The following PPARG variants were observed in gnomAD, a reference collection of about 807,000 sequenced individuals.
PPARG encodes peroxisome proliferator activated receptor gamma.
Under a neutral mutation model 39.2 loss-of-function variants are expected in PPARG, and 17 were observed. The ratio of observed to expected loss-of-function variants is 0.43; its 90% CI spans 0.30 to 0.65. The LOEUF (loss-of-function observed/expected upper bound fraction) is 0.65. Ranked by LOEUF, PPARG falls within the 30% of genes least tolerant of loss-of-function variation. PPARG has a pLI of 0.13. For synonymous variants in PPARG, 223 were observed against 215.7 expected (o/e 1.03, Z -0.30); for missense variants, 406 against 585.9 (o/e 0.69, Z 3.17).
At chr3:12,401,368 C>G (rs1448340639) in intron 5 of PPARG, among the ~76,000 whole-genome samples, 2 of 152,158 alleles carry the variant, frequency 1.3e-5, no homozygotes, top group Admixed American at 1.3e-4. Flanking sequence ...TGGGAGAGGT[C>G]AGCGTGCCAT....
rs147533380 is a variant in PPARG, at chr3:12,382,434, G to A, written c.390+943G>A. On this transcript the variant is annotated intron_variant, in intron 4 of 7. Coordinates refer to ENST00000651735, the MANE Select transcript of PPARG (RefSeq NM_138711.6). ...TAATTTATTATATACGCATTGCACA[G>A]AATAAACTGTTCATAAATATTCACT... Among the ~76,000 whole-genome samples the A allele has an allele frequency of 4.9e-3, 751 of 152,224 alleles. 13 individuals carry two copies. The highest frequency in any genetic ancestry group is 0.042 in the Admixed American group (644 of 15,278).
rs570144381 is a variant in PPARG, at chr3:12,395,198, C to G, written c.529+2446C>G. On this transcript the variant is annotated intron_variant, in intron 5 of 7. Transcript: ENST00000651735. ...GATTCTGTATAATCAAACAACCTAACTCACTGGATTTTTCACTTTTCAACC... is the reference window on the plus strand; with the variant it reads ...GATTCTGTATAATCAAACAACCTAAGTCACTGGATTTTTCACTTTTCAACC... Among the ~76,000 whole-genome samples, 3 of 152,310 alleles carry G rather than the reference C, an allele frequency of 2.0e-5. No individual in the cohort carries two copies. The East Asian group carries it at 5.8e-4, about 29-fold the overall frequency.
intron 4 of PPARG, among the ~76,000 whole-genome samples, chr3:12,387,370 C>T (rs1351235260): frequency 6.6e-6 from 1 of 152,204 alleles, no homozygotes; most frequent in African/African-American, 2.4e-5. Context: ...TCCACATCCT[C>T]TCCAGCGTCT....
At chr3:12,311,326 A>G (rs1027149356) in intron 1 of PPARG, among the ~76,000 whole-genome samples, 1 of 151,922 alleles carries the variant, frequency 6.6e-6, no homozygotes, top group East Asian at 1.9e-4. Context: ...CTGGTCTCCA[A>G]CTCCTGGGCT....
chr3:12,381,197 C>T lies in PPARG; in HGVS notation c.221-125C>T. 7 of 966,770 alleles carry T rather than the reference C, an allele frequency of 7.2e-6. No homozygotes were observed. In the South Asian group the frequency reaches 8.7e-5, roughly 12 times the overall value. The allele number at this position is 966,770 out of a possible 1,614,324, so 59.9% of individuals were successfully genotyped here. A position where few individuals can be genotyped will look rare whatever the true frequency, so the allele number is the denominator to read the frequency against. ...CTTAACTCCAGTGTTTTTTCATGTT[C>T]CACTGTGCTTTTACACTGAAACAAT... On this transcript the variant is annotated intron_variant, in intron 3 of 7. Transcript: ENST00000651735.
upstream of PPARG, chr3:12,289,019 G>A: frequency 6.6e-6 from 1 of 152,274 alleles, no homozygotes; most frequent in Non-Finnish European, 1.5e-5. Context: ...CAGAAACGGG[G>A]AGTAACCGAG....
At chr3:12,327,487 C>G in intron 2 of PPARG, among the ~76,000 whole-genome samples, 1 of 152,064 alleles carries the variant, frequency 6.6e-6, no homozygotes, top group East Asian at 1.9e-4. Context: ...TTCCAAGCAC[C>G]CTGAGAAAAA....
chr3:12,343,371 C>G (rs12330440), intron 2 of PPARG, among the ~76,000 whole-genome samples: 1,816 of 152,280 alleles, frequency 0.012, 52 homozygotes, highest in African/African-American at 0.042. Flanking sequence ...CTTCCATCTC[C>G]ATGCACAGTC....
intron 2 of PPARG, among the ~76,000 whole-genome samples, chr3:12,369,538 G>A (rs967610053): frequency 2.1e-4 from 32 of 152,014 alleles, no homozygotes; most frequent in Non-Finnish European, 7.4e-5. Context: ...TTTTAAAATT[G>A]TATTCTTATC....
rs2050125451 is a variant in PPARG at position 12,392,758 on chromosome 3, T to C, written c.529+6T>C. On this transcript the variant is annotated splice_donor_region_variant and intron_variant, in intron 5 of 7. Coordinates refer to ENST00000651735, the MANE Select transcript of PPARG (RefSeq NM_138711.6). ...AGTGGGGATGTCTCATAATGGTAAGTAAACAGTCATCACCATATACTTTAT... is the reference window on the plus strand; with the variant it reads ...AGTGGGGATGTCTCATAATGGTAAGCAAACAGTCATCACCATATACTTTAT... The C allele has an allele frequency of 6.2e-7, 1 of 1,613,528 alleles. No homozygotes were observed. Among genetic ancestry groups the C allele is most frequent in the Non-Finnish European group, 8.5e-7 (1 of 1,179,682 alleles).
intron 1 of PPARG, among the ~76,000 whole-genome samples, chr3:12,309,675 TAA>T (rs1233624828): frequency 1.3e-5 from 2 of 152,264 alleles, no homozygotes; most frequent in African/African-American, 4.8e-5. Flanking sequence ...AATTCTTTGA[TAA>T]GTTTTCAATT....
At chr3:12,393,190 A>ATTTTTTTTTTTTTTTTTTTT (rs143287325) in intron 5 of PPARG, among the ~76,000 whole-genome samples, 2 of 111,540 alleles carry the variant, frequency 1.8e-5, no homozygotes, top group African/African-American at 3.5e-5. Flanking sequence ...GATTCATTTA[A>ATTTTTTTTTTTTTTTTTTTT]TTTTTTTTTT....
intron 2 of PPARG, among the ~76,000 whole-genome samples, chr3:12,374,745 A>G (rs2049345776): frequency 6.6e-6 from 1 of 152,188 alleles, no homozygotes; most frequent in Admixed American, 6.5e-5. Flanking sequence ...AGGTGTTAGT[A>G]ATAGGGGAAA....
chr3:12,363,947 A>G, intron 2 of PPARG, among the ~76,000 whole-genome samples: 1 of 152,070 alleles, frequency 6.6e-6, no homozygotes, highest in African/African-American at 2.4e-5. Context: ...TAGGAAGTAC[A>G]AAGAGTTCCC....
chr3:12,400,134 G>A (rs2050422222), intron 5 of PPARG, among the ~76,000 whole-genome samples: 1 of 152,136 alleles, frequency 6.6e-6, no homozygotes, highest in Non-Finnish European at 1.5e-5. Flanking sequence ...GATAATGATT[G>A]CAAATTCATC....
chr3:12,302,767 CG>C (rs1225905349), intron 1 of PPARG, among the ~76,000 whole-genome samples: 2 of 151,842 alleles, frequency 1.3e-5, no homozygotes, highest in African/African-American at 2.4e-5. Flanking sequence ...ATCTCAGGAG[CG>C]GGGAGATTCC....
intron 2 of PPARG, among the ~76,000 whole-genome samples, chr3:12,337,765 A>T (rs1021101479): frequency 1.1e-4 from 16 of 152,330 alleles, no homozygotes; most frequent in African/African-American, 2.9e-4. Context: ...AGTATTTTTT[A>T]AAAATAAATA....
At chr3:12,420,972 C>G (rs1297375766) in intron 7 of PPARG, among the ~76,000 whole-genome samples, 2 of 152,200 alleles carry the variant, frequency 1.3e-5, no homozygotes, top group Non-Finnish European at 2.9e-5. Flanking sequence ...ATTCTAGAAC[C>G]AAAGTTCAGG....
chr3:12,400,599 T>G lies in PPARG; in HGVS notation c.530-5283T>G, dbSNP rs147070419. Among the ~76,000 whole-genome samples, 548 of 152,316 alleles carry G rather than the reference T, an allele frequency of 3.6e-3. 4 individuals carry two copies. The highest frequency in any genetic ancestry group is 6.5e-3 in the Non-Finnish European group (443 of 68,028). On this transcript the variant is annotated intron_variant, in intron 5 of 7. Transcript: ENST00000651735. ...ACCAGATTTCTCTGTAGGTGATGAA[T>G]TATTCCAAATAGGAAACTGCGTGCC...
Sources: allele counts gnomAD v4.1 joint callset (sites outside exome capture counted in the v4.1 genomes callset), GRCh38; gene constraint gnomAD v4.1.1; transcripts MANE v1.5; gene names NCBI Gene and HGNC (gene_info 2026-07-23, HGNC 2026-07-21).